Variants in CRB1 observed in about 807,000 individuals in gnomAD.
CRB1 encodes the protein protein crumbs homolog 1.
CRB1 carries 83 observed loss-of-function variants against 120.0 expected under a neutral mutation model. The observed-to-expected ratio is 0.69, with a 90% CI of 0.58 to 0.83. The LOEUF is 0.83. Among genes scored for constraint, CRB1 ranks in the 40% least tolerant of loss-of-function variants. CRB1 has a pLI of 0.00. For synonymous variants in CRB1, 625 were observed against 612.5 expected (o/e 1.02, Z -0.30); for missense variants, 1,699 against 1,687.6 (o/e 1.01, Z -0.12).
At chr1:197,355,390 C>G (rs940921760) in intron 4 of CRB1, among the ~76,000 whole-genome samples, 2 of 152,224 alleles carry the variant, frequency 1.3e-5, no homozygotes, top group Non-Finnish European at 2.9e-5. Flanking sequence ...CCGCGCAGTG[C>G]GCTGGCACTC....
chr1:197,411,387 T>C (rs927805768), intron 5 of CRB1, among the ~76,000 whole-genome samples: 10 of 152,190 alleles, frequency 6.6e-5, no homozygotes, highest in African/African-American at 2.4e-4. Context: ...TGCTGTACAT[T>C]ATGTAAGTGT....
chr1:197,466,602 C>T (rs1173611693), intron 11 of CRB1, among the ~76,000 whole-genome samples: 2 of 152,106 alleles, frequency 1.3e-5, no homozygotes, highest in Admixed American at 1.3e-4. Context: ...GCTCCTCTGA[C>T]ATGGATTAAG....
intron 1 of CRB1, among the ~76,000 whole-genome samples, chr1:197,281,576 G>T (rs1276805606): frequency 6.6e-6 from 1 of 151,856 alleles, no homozygotes; most frequent in East Asian, 2.0e-4. Context: ...GAATGAGAAG[G>T]GAATAAAGAA....
At chr1:197,246,815 G>A in the CRB1 span, among the ~76,000 whole-genome samples, 1 of 152,022 alleles carries the variant, frequency 6.6e-6, no homozygotes, top group Admixed American at 6.6e-5. Flanking sequence ...GTCTGAGGTT[G>A]AATAGCTGTA....
chr1:197,218,472 T>C, the CRB1 span, among the ~76,000 whole-genome samples: 31 of 152,298 alleles, frequency 2.0e-4, no homozygotes, highest in African/African-American at 7.0e-4. Context: ...ATTTTTAAAT[T>C]TTCCTGGACC....
Position 197,465,580 on chromosome 1 carries a change from G to C in CRB1, c.4006-12084G>C, listed in dbSNP as rs573844068. ...TGTTTTAAGTTGCTTTGAGTTCATAGATTTTAGAAATGTTCACTTGGGATC... is the reference window on the plus strand; with the variant it reads ...TGTTTTAAGTTGCTTTGAGTTCATACATTTTAGAAATGTTCACTTGGGATC... On this transcript the variant is annotated intron_variant, in intron 11 of 11. Coordinates refer to ENST00000367400, the MANE Select transcript of CRB1 (RefSeq NM_201253.3). 7.2e-5 allele frequency among the ~76,000 whole-genome samples: 11 copies of C among 152,210 alleles called. No homozygotes were observed. In the South Asian group the frequency reaches 2.3e-3, roughly 32 times the overall value.
At chr1:197,392,157 A>G (rs1013217240) in intron 5 of CRB1, among the ~76,000 whole-genome samples, 24 of 151,832 alleles carry the variant, frequency 1.6e-4, no homozygotes, top group Admixed American at 7.2e-4. Flanking sequence ...TGCTGCTAGT[A>G]CCTGAAGGCC....
chr1:197,320,952 G>A (rs1363707209), intron 1 of CRB1, among the ~76,000 whole-genome samples: 2 of 152,182 alleles, frequency 1.3e-5, no homozygotes, highest in African/African-American at 4.8e-5. Flanking sequence ...CAAAACATCA[G>A]ATATTCTCTT....
chr1:197,375,195 G>A (rs1661581195), intron 5 of CRB1, among the ~76,000 whole-genome samples: 1 of 152,132 alleles, frequency 6.6e-6, no homozygotes, highest in African/African-American at 2.4e-5. Flanking sequence ...CTGTTTCATG[G>A]ATGCTGGCAG....
the CRB1 span, among the ~76,000 whole-genome samples, chr1:197,201,650 A>T: frequency 6.6e-6 from 1 of 152,306 alleles, no homozygotes; most frequent in Non-Finnish European, 1.5e-5. Context: ...GTTTAGAAGT[A>T]GTTTGCCGAG....
chr1:197,204,351 T>C, the CRB1 span, among the ~76,000 whole-genome samples: 1 of 152,196 alleles, frequency 6.6e-6, no homozygotes, highest in Admixed American at 6.5e-5. Flanking sequence ...TTAAGGAATC[T>C]CCTCCGCTTT....
At chr1:197,437,705 T>C (rs1340338565) in intron 9 of CRB1, among the ~76,000 whole-genome samples, 1 of 152,146 alleles carries the variant, frequency 6.6e-6, no homozygotes, top group Non-Finnish European at 1.5e-5. Context: ...CTTAGCATCA[T>C]ATAAGCTAGT....
chr1:197,328,855 T>C lies in CRB1; in HGVS notation c.504T>C (p.Asp168=), dbSNP rs765280046. Residue 168 remains aspartate, a synonymous_variant, in exon 2 of 12, where the codon GAT becomes GAC. Transcript: ENST00000367400. ...QNGAVCQDGI[D]GYSCFCVPGY... is the part of the protein sequence containing the mutation. The stretch of plus-strand genomic sequence containing the variant: ...GGGCCGTGTGCCAGGATGGAATTGA[T>C]GGTTACTCCTGCTTCTGTGTCCCAG... The C allele has an allele frequency of 6.2e-7, 1 of 1,613,968 alleles. No individual in the cohort carries two copies. The highest frequency in any genetic ancestry group is 1.1e-5 in the South Asian group (1 of 91,068).
chr1:197,357,862 C>T (rs1026438583), intron 5 of CRB1: 1 of 152,084 alleles, frequency 6.6e-6, no homozygotes, highest in Admixed American at 6.6e-5. Context: ...GTGTTTGCTG[C>T]AAGGTCGATA....
At chr1:197,441,283 T>C (rs1240781912) in intron 10 of CRB1, 1 of 152,252 alleles carries the variant, frequency 6.6e-6, no homozygotes, top group East Asian at 1.9e-4. Context: ...GCAGAGTGTT[T>C]GTCACATAGT....
At chr1:197,227,757 T>C in the CRB1 span, among the ~76,000 whole-genome samples, 6 of 152,168 alleles carry the variant, frequency 3.9e-5, no homozygotes, top group Admixed American at 1.3e-4. Context: ...GGACTCTGTG[T>C]GGGGGCTCCA....
chr1:197,250,150 C>T, the CRB1 span, among the ~76,000 whole-genome samples: 10 of 152,014 alleles, frequency 6.6e-5, no homozygotes, highest in South Asian at 2.1e-3. Context: ...GTAGTCACAC[C>T]TGTATTCTAT....
chr1:197,451,819 A>AC (rs1345692643), intron 11 of CRB1, among the ~76,000 whole-genome samples: 1 of 152,224 alleles, frequency 6.6e-6, no homozygotes. Flanking sequence ...CATTAGAAAA[A>AC]CATTCCATTA....
intron 1 of CRB1, among the ~76,000 whole-genome samples, chr1:197,293,755 A>G (rs1656345383): frequency 1.3e-5 from 2 of 151,930 alleles, no homozygotes; most frequent in African/African-American, 4.8e-5. Flanking sequence ...CAGAAATAAT[A>G]CCACACATCT....
Sources: gnomAD v4.1 joint callset for allele counts (sites outside exome capture counted in the v4.1 genomes callset) on GRCh38, gnomAD v4.1.1 for gene constraint, MANE v1.5 for transcripts, NCBI Gene and HGNC (gene_info 2026-07-23, HGNC 2026-07-21) for gene names.